Variants in SLC9A9 observed in about 807,000 individuals in gnomAD.
SLC9A9 encodes the protein sodium/hydrogen exchanger 9.
Under a neutral mutation model 77.8 loss-of-function variants are expected in SLC9A9, and 62 were observed. The observed-to-expected ratio is 0.80, with a 90% CI of 0.65 to 0.98. The LOEUF (loss-of-function observed/expected upper bound fraction) is 0.98, where lower values mean the gene tolerates loss of function less well. Ranked by LOEUF, SLC9A9 falls within the 50% of genes least tolerant of loss-of-function variation. The probability of loss-of-function intolerance (pLI) is 0.00; values close to 1 mark genes in which losing one functional copy is unlikely to be tolerated. For missense variants in SLC9A9, 775 were observed against 774.9 expected, an observed-to-expected ratio of 1.00 and a Z score of 0.00; for synonymous variants, 320 against 283.5, an observed-to-expected ratio of 1.13 and a Z score of -1.29.
At position 143,493,663 on chromosome 3, in the gene SLC9A9, C is replaced by G; in HGVS notation, c.1305G>C (p.Met435Ile). 1 of 1,613,052 alleles carries G rather than the reference C, an allele frequency of 6.2e-7. No individual in the cohort carries two copies. Among genetic ancestry groups the G allele is most frequent in the East Asian group, 2.2e-5 (1 of 44,862 alleles). ...QKIPWNFQHM[M>I]MFSGLRGAIA... ...ACATAGTTCACATACCTGAAAACAT[C>G]ATCATGTGCTGAAAGTTCCAGGGGA... The change falls in exon 11 of 16, where the codon ATG becomes ATC. Residue 435 changes from methionine to isoleucine, a missense_variant. Coordinates refer to ENST00000316549, the MANE Select transcript of SLC9A9 (RefSeq NM_173653.4).
chr3:143,499,078 T>C (rs1188955394), intron 9 of SLC9A9, among the ~76,000 whole-genome samples: 1 of 152,186 alleles, frequency 6.6e-6, no homozygotes, highest in African/African-American at 2.4e-5. Context: ...TGCACTCCAA[T>C]CAGCAATTCT....
chr3:143,831,835 T>C (rs2009442699), intron 2 of SLC9A9, among the ~76,000 whole-genome samples, 184 bp downstream of exon 2: 1 of 152,116 alleles, frequency 6.6e-6, no homozygotes, highest in South Asian at 2.1e-4. Flanking sequence ...TACAGGCAAC[T>C]CAGCTTGTAA....
In SLC9A9 at chr3:143,686,487, C is replaced by T. The variant is rs118063828; in HGVS notation, c.649+6705G>A. Among the ~76,000 whole-genome samples, 10 of 152,152 alleles carry T rather than the reference C, an allele frequency of 6.6e-5. No homozygotes were observed. The East Asian group carries it at 1.9e-3, about 30-fold the overall frequency. ...TATTTAATAGGGTGAGCAAGAAAGG[C>T]TCTCACTGAGGTGACAGTTGAGCAT... On this transcript the variant is annotated intron_variant, in intron 5 of 15. Coordinates refer to ENST00000316549, the MANE Select transcript of SLC9A9 (RefSeq NM_173653.4).
At chr3:143,507,682 T>A (rs1334579975) in intron 9 of SLC9A9, among the ~76,000 whole-genome samples, 2 of 152,232 alleles carry the variant, frequency 1.3e-5, no homozygotes, top group Non-Finnish European at 2.9e-5. Flanking sequence ...GCTAAACTCT[T>A]AGGTGGGAGT....
At chr3:143,381,630 A>T (rs7649406) in intron 13 of SLC9A9, among the ~76,000 whole-genome samples, 58,820 of 152,004 alleles carry the variant, frequency 0.39, 11,444 homozygotes, top group Non-Finnish European at 0.42. Context: ...TCACCTAGAC[A>T]GTTTTTTGGG....
chr3:143,646,084 T>A (rs758636175), intron 6 of SLC9A9, among the ~76,000 whole-genome samples: 5 of 152,058 alleles, frequency 3.3e-5, no homozygotes, highest in Non-Finnish European at 5.9e-5. Flanking sequence ...TGCACTTAAA[T>A]GAACATTGCC....
At chr3:143,788,429 G>A (rs140163301) in intron 4 of SLC9A9, among the ~76,000 whole-genome samples, 59 of 152,156 alleles carry the variant, frequency 3.9e-4, no homozygotes, top group African/African-American at 1.3e-3. Context: ...GGTGGCTCAC[G>A]CCTGTAATCC....
chr3:143,786,543 A>G lies in SLC9A9; in HGVS notation c.533+8458T>C, dbSNP rs146297872. ...CTAAACTACATCTCTGATGATCTCC[A>G]CAGTCCTCTCCATTCTACCTTTTGT... On this transcript the variant is annotated intron_variant, in intron 4 of 15. Coordinates refer to ENST00000316549, the MANE Select transcript of SLC9A9 (RefSeq NM_173653.4). 2.0e-3 allele frequency among the ~76,000 whole-genome samples: 302 copies of G among 152,182 alleles called. 1 individual carries two copies. The highest frequency in any genetic ancestry group is 7.1e-3 in the African/African-American group (295 of 41,518).
At position 143,406,439 on chromosome 3, in the gene SLC9A9, G is replaced by A. The variant is rs377258131; in HGVS notation, c.1470-24325C>T. Among the ~76,000 whole-genome samples the A allele has an allele frequency of 3.4e-4, 51 of 151,438 alleles. 2 individuals carry two copies. The South Asian group carries it at 7.9e-3, about 24-fold the overall frequency. On this transcript the variant is annotated intron_variant, in intron 12 of 15. Transcript: ENST00000316549. ...GTCGCCCAAGGTGGAGTGCAATGGC[G>A]CGATCTCGACTCACTGCAACCTCCG... is the stretch of plus-strand genomic sequence containing the variant.
intron 4 of SLC9A9, among the ~76,000 whole-genome samples, chr3:143,715,942 A>G (rs1934333669): frequency 6.6e-6 from 1 of 152,268 alleles, no homozygotes; most frequent in Non-Finnish European, 1.5e-5. Context: ...TGTGAGGTCT[A>G]TACCCAAAAG....
intron 6 of SLC9A9, among the ~76,000 whole-genome samples, chr3:143,608,394 G>C (rs1016221418): frequency 3.9e-5 from 6 of 152,134 alleles, no homozygotes; most frequent in African/African-American, 7.2e-5. Flanking sequence ...TTGGCTGTTG[G>C]TCTTCCCTCT....
chr3:143,268,689 C>T (rs1211058598), intron 15 of SLC9A9, among the ~76,000 whole-genome samples, 186 bp downstream of exon 15: 6 of 145,170 alleles, frequency 4.1e-5, no homozygotes, highest in African/African-American at 7.7e-5. Context: ...GCTGAGATCA[C>T]GCCACTGCAC....
chr3:143,535,088 T>C (rs937495268), intron 9 of SLC9A9, among the ~76,000 whole-genome samples: 2 of 152,180 alleles, frequency 1.3e-5, no homozygotes, highest in African/African-American at 4.8e-5. Context: ...ATTCTTCTTT[T>C]AAAAGGAGAT....
intron 2 of SLC9A9, among the ~76,000 whole-genome samples, chr3:143,819,597 A>G (rs564352528): frequency 2.0e-5 from 3 of 152,324 alleles, no homozygotes; most frequent in East Asian, 3.9e-4. Flanking sequence ...TGAATGGACA[A>G]TGCAACAGGA....
intron 4 of SLC9A9, among the ~76,000 whole-genome samples, chr3:143,758,014 T>C (rs1445385864): frequency 2.0e-5 from 3 of 152,050 alleles, no homozygotes; most frequent in Admixed American, 6.6e-5. Flanking sequence ...AAAGTTGTTC[T>C]CTTTCATCCT....
In SLC9A9 at chr3:143,778,037, C is replaced by CAAA. The variant is rs748982877; in HGVS notation, c.533+16961_533+16963dup. On this transcript the variant is annotated intron_variant, in intron 4 of 15. Coordinates refer to ENST00000316549, the MANE Select transcript of SLC9A9 (RefSeq NM_173653.4). ...CCGTCACTGATACTTTTATAAAATG[C>CAAA]AAAAAAAAAAAAAAAGATGCTGAAT... Among the ~76,000 whole-genome samples the CAAA allele has an allele frequency of 3.9e-3, 298 of 75,574 alleles. 28 individuals are homozygous for CAAA. The South Asian group carries it at 0.089, about 22-fold the overall frequency. The allele number at this position is 75,574 out of a possible 152,430, so 49.6% of individuals were successfully genotyped here. A position where few individuals can be genotyped will look rare whatever the true frequency, so the allele number is the denominator to read the frequency against.
At chr3:143,626,576 T>C (rs1576619868) in intron 6 of SLC9A9, among the ~76,000 whole-genome samples, 1 of 136,966 alleles carries the variant, frequency 7.3e-6, no homozygotes, top group African/African-American at 2.7e-5. Flanking sequence ...TGAGAACACA[T>C]GGACACAGGA....
intron 6 of SLC9A9, among the ~76,000 whole-genome samples, chr3:143,599,668 C>T (rs892990818): frequency 5.3e-5 from 8 of 151,964 alleles, no homozygotes; most frequent in Non-Finnish European, 1.2e-4. Context: ...GCTTTATGAG[C>T]AATAAGGAAT....
chr3:143,512,078 C>T (rs114043069), intron 9 of SLC9A9, among the ~76,000 whole-genome samples: 3,090 of 152,246 alleles, frequency 0.02, 98 homozygotes, highest in African/African-American at 0.069. Flanking sequence ...CAACCATATT[C>T]GTTTTGTTTG....
Sources: gnomAD v4.1 joint callset for allele counts (sites outside exome capture counted in the v4.1 genomes callset) on GRCh38, gnomAD v4.1.1 for gene constraint, MANE v1.5 for transcripts, NCBI Gene and HGNC (gene_info 2026-07-23, HGNC 2026-07-21) for gene names.